SEMA4G: variants seen among roughly 807,000 people sequenced by gnomAD.
The protein encoded by SEMA4G is semaphorin 4G.
Under a neutral mutation model 81.2 loss-of-function variants are expected in SEMA4G, and 59 were observed. The ratio of observed to expected loss-of-function variants is 0.73; its 90% CI spans 0.59 to 0.90. SEMA4G has a LOEUF of 0.90. Among genes scored for constraint, SEMA4G ranks in the 40% least tolerant of loss-of-function variants. SEMA4G has a pLI of 0.00. For missense variants in SEMA4G, 952 were observed against 1,102.3 expected (o/e 0.86, Z 1.93); for synonymous variants, 404 against 433.9 (o/e 0.93, Z 0.86).
In SEMA4G at chr10:100,981,012, G is replaced by C; in HGVS notation, c.1628+30G>C. ...CAGGGAAGCAGGTGGGAAGTGGTGG[G>C]GGGTGACAGTCACATGTGGTCTGAG... On this transcript the variant is annotated intron_variant, in intron 12 of 13. Transcript: ENST00000370250. 6.3e-7 allele frequency: 1 copy of C among 1,593,164 alleles called. No homozygotes were observed. The highest frequency in any genetic ancestry group is 8.5e-7 in the Non-Finnish European group (1 of 1,170,302).
chr10:100,979,235 C>T, exon 8 of SEMA4G: 5 of 1,614,202 alleles, frequency 3.1e-6, no homozygotes, highest in East Asian at 2.2e-5. Flanking sequence ...TCAAGCCGTA[C>T]ACACTTCTAT....
exon 12 of SEMA4G, chr10:100,980,871 C>A: frequency 1.2e-6 from 2 of 1,609,230 alleles, no homozygotes; most frequent in Non-Finnish European, 1.7e-6. Flanking sequence ...CTACCACTCT[C>A]CAGCTGCTCC....
chr10:100,981,376 T>A, intron 13 of SEMA4G, 147 bp downstream of exon 14: 1 of 1,610,564 alleles, frequency 6.2e-7, no homozygotes, highest in Non-Finnish European at 8.5e-7. Flanking sequence ...TGGCACAGAG[T>A]AAGTGCTCAA....
At position 100,972,916 on chromosome 10, in the gene SEMA4G, T is replaced by TG. The variant is rs1850672932; in HGVS notation, c.9dup (p.Arg4GlufsTer25). ...TAGTCTGGGCCTCCCCAGGAAGATG[T>TG]GGGGGAGGCTCTGGCCCCTCCTCCT... On this transcript the variant is annotated frameshift_variant, in exon 1 of 14. Transcript: ENST00000370250. LOFTEE classifies it high-confidence loss of function. 3.7e-6 allele frequency: 6 copies of TG among 1,605,916 alleles called. No individual in the cohort carries two copies. Among genetic ancestry groups the TG allele is most frequent in the Non-Finnish European group, 5.1e-6 (6 of 1,177,852 alleles).
exon 14 of SEMA4G, chr10:100,984,342 T>C (rs1333845024): frequency 4.9e-6 from 7 of 1,441,180 alleles, no homozygotes; most frequent in Non-Finnish European, 6.3e-6. Flanking sequence ...CCCAGGCCCA[T>C]CGGTGCTCCT....
chr10:100,984,177 C>A, exon 14 of SEMA4G: 1 of 1,558,940 alleles, frequency 6.4e-7, no homozygotes, highest in South Asian at 1.2e-5. Flanking sequence ...GCCTATCTGT[C>A]CCAGGCTGGG....
At chr10:100,971,143 T>A (rs74376199), upstream of SEMA4G, among the ~76,000 whole-genome samples, 469 of 152,354 alleles carry the variant, frequency 3.1e-3, 1 homozygote, top group Admixed American at 6.4e-3. Flanking sequence ...TGTGCACCCA[T>A]GTGCATGTAT....
At chr10:100,981,201 T>A (rs538842540) in exon 13 of SEMA4G, 1 of 1,614,172 alleles carries the variant, frequency 6.2e-7, no homozygotes, top group African/African-American at 1.3e-5. Context: ...AGAGAGGAAA[T>A]CGAGGCTGTG....
At chr10:100,985,178 GGGA>G (rs1212458091), downstream of SEMA4G, 25 of 356,578 alleles carry the variant, frequency 7.0e-5, no homozygotes, top group Admixed American at 1.0e-3. Context: ...AGCAGGGAAA[GGGA>G]GGAGAAATCT....
chr10:100,981,619 ATACT>A, intron 13 of SEMA4G: 2 of 1,544,554 alleles, frequency 1.3e-6, no homozygotes, highest in East Asian at 2.3e-5. Flanking sequence ...ACTGATCTAA[ATACT>A]TCTATGCATG....
exon 14 of SEMA4G, chr10:100,984,101 C>T (rs756516259): frequency 6.8e-6 from 11 of 1,612,704 alleles, no homozygotes; most frequent in East Asian, 6.7e-5. Flanking sequence ...ACACGCAGCT[C>T]GTGGAGCAGC....
chr10:100,981,375 G>GT, intron 13 of SEMA4G, 146 bp downstream of exon 14: 1 of 1,610,332 alleles, frequency 6.2e-7, no homozygotes, highest in East Asian at 2.2e-5. Context: ...CTGGCACAGA[G>GT]TAAGTGCTCA....
At position 100,977,624 on chromosome 10, in the gene SEMA4G, T is replaced by C. The variant is rs1356624280; in HGVS notation, c.337-8T>C. On this transcript the variant is annotated splice_region_variant and splice_polypyrimidine_tract_variant and intron_variant, in intron 3 of 13. Coordinates refer to ENST00000370250, the Ensembl canonical transcript of SEMA4G. ...GGGGCTCACAGCCCTCTCCACCTCATCCCACAGACGGAGTGCTTTAACCAT... is the reference window on the plus strand; with the variant it reads ...GGGGCTCACAGCCCTCTCCACCTCACCCCACAGACGGAGTGCTTTAACCAT... 6.2e-7 allele frequency: 1 copy of C among 1,612,878 alleles called. No individual in the cohort carries two copies.
At position 100,978,592 on chromosome 10, in the gene SEMA4G, C is replaced by G. The variant is rs374506045; in HGVS notation, c.595C>G (p.His199Asp). The change falls in exon 6 of 14, where the codon CAC becomes GAC. Residue 199 changes from histidine (H) to aspartate (D), a missense_variant. By Grantham distance (81) the His-to-Asp change is moderately conservative (BLOSUM62 -1). Around this residue, in one of 3 missense-constraint regions of SEMA4G, gnomAD observed 436 missense variants for 488.2 expected, o/e 0.89. Coordinates refer to ENST00000370250, the Ensembl canonical transcript of SEMA4G. The stretch of plus-strand genomic sequence containing the variant: ...CATTCCTGACATCCGCCGGAGCCGC[C>G]ACCCACACTCCCTGAGAACTGAGGA... 8 of 1,614,042 alleles carry G rather than the reference C, an allele frequency of 5.0e-6. No homozygotes were observed. In the African/African-American group the frequency reaches 9.3e-5, roughly 19 times the overall value.
At chr10:100,980,415 C>A in intron 10 of SEMA4G, 71 bp downstream of exon 11, 1 of 1,485,678 alleles carries the variant, frequency 6.7e-7, no homozygotes. Flanking sequence ...TTAATTCCTG[C>A]CATGACTAGT....
exon 14 of SEMA4G, chr10:100,984,013 G>A (rs747701115): frequency 7.4e-6 from 12 of 1,613,266 alleles, no homozygotes; most frequent in African/African-American, 5.3e-5. Flanking sequence ...GTGCTTCTGA[G>A]GCAGAGCAAC....
chr10:100,982,707 G>A (rs761440228), intron 13 of SEMA4G, among the ~76,000 whole-genome samples: 5 of 152,194 alleles, frequency 3.3e-5, no homozygotes, highest in African/African-American at 9.7e-5. Flanking sequence ...CAAGATAATC[G>A]CGTGAACCAG....
At chr10:100,983,096 A>C (rs989358201) in intron 13 of SEMA4G, among the ~76,000 whole-genome samples, 2 of 152,218 alleles carry the variant, frequency 1.3e-5, no homozygotes, top group African/African-American at 2.4e-5. Flanking sequence ...TGGAGAGAGA[A>C]TGGAAAAGGG....
intron 3 of SEMA4G, among the ~76,000 whole-genome samples, chr10:100,975,567 GTAAACATC>G (rs1850748918): frequency 6.6e-6 from 1 of 152,168 alleles, no homozygotes; most frequent in South Asian, 2.1e-4. Flanking sequence ...TTTAAAAAAT[GTAAACATC>G]CGCTGGGCAC....
Sources: gnomAD v4.1 joint callset for allele counts (sites outside exome capture counted in the v4.1 genomes callset) on GRCh38, gnomAD v4.1.1 for gene constraint, gnomAD v4.1.1 regional missense constraint, MANE v1.5 for transcripts, NCBI Gene and HGNC (gene_info 2026-07-23, HGNC 2026-07-21) for gene names.